The following SEMA5B variants were observed in gnomAD, a reference collection of about 807,000 sequenced individuals.
SEMA5B encodes semaphorin-5B.
Under a neutral mutation model 135.0 loss-of-function variants are expected in SEMA5B, and 66 were observed. That is an observed-to-expected ratio of 0.49 (90% CI 0.40 to 0.60). SEMA5B has a LOEUF of 0.60. Ranked by LOEUF, SEMA5B falls within the 20% of genes least tolerant of loss-of-function variation. The pLI, the probability that SEMA5B is intolerant of heterozygous loss-of-function variation, is 0.00. For missense variants in SEMA5B, 1,501 were observed against 1,566.3 expected (o/e 0.96, Z 0.70); for synonymous variants, 690 against 639.5 (o/e 1.08, Z -1.19).
rs185542710 is a variant in SEMA5B at position 123,006,591 on chromosome 3, G to C, written c.-39+20873C>G. On this transcript the variant is annotated intron_variant, in intron 1 of 22. Transcript: ENST00000357599. ...AAATTAGGAATTGGGAGATTTGGAA[G>C]CTTGGGGTGGGGCAAACCCTTTCCC... is the stretch of plus-strand genomic sequence containing the variant. Among the ~76,000 whole-genome samples the C allele has an allele frequency of 6.6e-5, 10 of 152,332 alleles. No homozygotes were observed. In the East Asian group the frequency reaches 1.9e-3, roughly 29 times the overall value.
At chr3:122,927,343 C>G (rs1393579445) in intron 8 of SEMA5B, among the ~76,000 whole-genome samples, 1 of 152,150 alleles carries the variant, frequency 6.6e-6, no homozygotes, top group African/African-American at 2.4e-5. Flanking sequence ...TGCATCACCA[C>G]GCCTGGCTGA....
intron 5 of SEMA5B, among the ~76,000 whole-genome samples, chr3:122,935,693 T>TTTTTTTTTTTTTTTTTTG: frequency 9.2e-6 from 1 of 108,644 alleles, no homozygotes; most frequent in Admixed American, 9.6e-5. Flanking sequence ...TTTCTTTTTT[T>TTTTTTTTTTTTTTTTTTG]TTTTTTTTTT....
At chr3:122,984,899 T>G (rs1234137593) in intron 1 of SEMA5B, among the ~76,000 whole-genome samples, 1 of 152,090 alleles carries the variant, frequency 6.6e-6, no homozygotes, top group Non-Finnish European at 1.5e-5. Flanking sequence ...AAAAATAATT[T>G]CCCCCTGTTT....
At chr3:122,933,240 A>G (rs1189681360) in intron 5 of SEMA5B, among the ~76,000 whole-genome samples, 3 of 152,200 alleles carry the variant, frequency 2.0e-5, no homozygotes, top group East Asian at 3.9e-4. Context: ...GGTGGAACAC[A>G]TCTCCAGTAT....
intron 10 of SEMA5B, 108 bp downstream of exon 10, chr3:122,923,509 G>T: frequency 1.6e-6 from 2 of 1,250,792 alleles, no homozygotes; most frequent in South Asian, 2.6e-5. Flanking sequence ...GACTGGCAGG[G>T]ACGGGTCTGG....
chr3:122,925,739 A>G (rs151068988), intron 9 of SEMA5B, among the ~76,000 whole-genome samples: 30 of 151,768 alleles, frequency 2.0e-4, no homozygotes, highest in African/African-American at 6.5e-4. Flanking sequence ...AAGTTTACAC[A>G]TTTGTGTTGG....
chr3:122,929,935 C>T (rs16833678), intron 5 of SEMA5B, among the ~76,000 whole-genome samples: 33,269 of 152,084 alleles, frequency 0.22, 3,784 homozygotes, highest in Middle Eastern at 0.33. Flanking sequence ...TGAAGGGAGG[C>T]GTGATGCCCT....
At position 122,978,114 on chromosome 3, in the gene SEMA5B, C is replaced by T. The variant is rs529510239; in HGVS notation, c.-38-16813G>A. ...ACCCACAGCTGAGTTTGCAGACTGA[C>T]GCAGGAGACAGAATTATAGGCAGAG... On this transcript the variant is annotated intron_variant, in intron 1 of 22. Transcript: ENST00000357599. Among the ~76,000 whole-genome samples, 7 of 152,352 alleles carry T rather than the reference C, an allele frequency of 4.6e-5. No individual in the cohort carries two copies. In the South Asian group the frequency reaches 6.2e-4, roughly 14 times the overall value.
chr3:122,975,828 C>T (rs1193605521), intron 1 of SEMA5B, among the ~76,000 whole-genome samples: 3 of 152,010 alleles, frequency 2.0e-5, no homozygotes, highest in Non-Finnish European at 4.4e-5. Context: ...CTGCTTAAAA[C>T]CCCCACCAGC....
At chr3:122,938,085 T>A (rs747396572) in intron 5 of SEMA5B, among the ~76,000 whole-genome samples, 4 of 152,210 alleles carry the variant, frequency 2.6e-5, no homozygotes, top group Non-Finnish European at 4.4e-5. Context: ...CCAGCCCAGA[T>A]CCCAGGAATA....
chr3:122,913,469 G>A (rs1346541836), intron 16 of SEMA5B, 45 bp from the exon 17 acceptor site: 1 of 1,565,360 alleles, frequency 6.4e-7, no homozygotes, highest in Admixed American at 1.8e-5. Context: ...ACGGCCTCCA[G>A]GCCCGCCCTC....
chr3:122,931,823 C>T (rs1280893968), intron 5 of SEMA5B, among the ~76,000 whole-genome samples: 1 of 152,152 alleles, frequency 6.6e-6, no homozygotes, highest in African/African-American at 2.4e-5. Flanking sequence ...CCAAAAGATG[C>T]CTACAGGTTT....
At chr3:123,007,099 C>A (rs1157230539) in intron 1 of SEMA5B, among the ~76,000 whole-genome samples, 2 of 152,160 alleles carry the variant, frequency 1.3e-5, no homozygotes, top group East Asian at 3.9e-4. Flanking sequence ...GAGCATGGGG[C>A]AAATTTGCAA....
chr3:122,956,281 G>A (rs1375047964), intron 2 of SEMA5B, among the ~76,000 whole-genome samples: 1 of 152,222 alleles, frequency 6.6e-6, no homozygotes, highest in Non-Finnish European at 1.5e-5. Context: ...TCTGGGTTTG[G>A]GGTCACTCTT....
rs376783901 is a variant in SEMA5B at position 122,912,060 on chromosome 3, G to A, written c.2906C>T (p.Ser969Leu). 3 of 1,611,988 alleles carry A rather than the reference G, an allele frequency of 1.9e-6. No homozygotes were observed. The highest frequency in any genetic ancestry group is 1.7e-5 in the Admixed American group (1 of 59,906). Residue 969 changes from serine to leucine, a missense_variant, in exon 20 of 23, where the codon TCG (serine) becomes TTG (leucine). By Grantham distance (145) the Ser-to-Leu change is moderately radical. Transcript: ENST00000357599. ...GCACTTACTCCACTCAGACCAGGGCGACCAGCCTTCTGGGGATTGTGGGTA... is the reference window on the plus strand; with the variant it reads ...GCACTTACTCCACTCAGACCAGGGCAACCAGCCTTCTGGGGATTGTGGGTA... ...CATQACPEGWSPWSEWSKCTD... is the reference protein window; with the variant it reads ...CATQACPEGWLPWSEWSKCTD...
At chr3:122,963,647 G>C (rs1940689769) in intron 1 of SEMA5B, among the ~76,000 whole-genome samples, 1 of 152,230 alleles carries the variant, frequency 6.6e-6, no homozygotes, top group Non-Finnish European at 1.5e-5. Context: ...TGTCGTTGGG[G>C]AGCCAGCTGT....
chr3:123,013,993 C>A (rs1268416775), intron 1 of SEMA5B, among the ~76,000 whole-genome samples: 1 of 152,292 alleles, frequency 6.6e-6, no homozygotes, highest in Admixed American at 6.5e-5. Flanking sequence ...AGGGCCAAGC[C>A]GGAGGCTGGT....
intron 2 of SEMA5B, among the ~76,000 whole-genome samples, chr3:122,951,800 TG>T (rs1358412577): frequency 1.3e-5 from 2 of 152,216 alleles, no homozygotes; most frequent in African/African-American, 2.4e-5. Flanking sequence ...ACTAGAGGGC[TG>T]GGGCTCCTTC....
At chr3:122,988,150 A>G (rs574854369) in intron 1 of SEMA5B, among the ~76,000 whole-genome samples, 1 of 152,268 alleles carries the variant, frequency 6.6e-6, no homozygotes, top group East Asian at 1.9e-4. Flanking sequence ...TGCATTTCAA[A>G]AAGTCCCCAA....
Sources: gnomAD v4.1 joint callset for allele counts (sites outside exome capture counted in the v4.1 genomes callset) on GRCh38, gnomAD v4.1.1 for gene constraint, MANE v1.5 for transcripts, NCBI Gene and HGNC (gene_info 2026-07-23, HGNC 2026-07-21) for gene names.